The following PPP1R9A variants were observed in gnomAD, a reference collection of about 807,000 sequenced individuals.
The protein encoded by PPP1R9A is neurabin-1.
In PPP1R9A, 59 loss-of-function variants were observed where a neutral mutation model predicts 141.9. The observed-to-expected ratio is 0.42, with a 90% confidence interval of 0.34 to 0.52. The LOEUF is 0.52. PPP1R9A is among the 20% of genes least tolerant of loss of function. The pLI, the probability that PPP1R9A is intolerant of heterozygous loss-of-function variation, is 0.10. For synonymous variants in PPP1R9A, 500 were observed against 569.7 expected, an observed-to-expected ratio of 0.88 and a Z score of 1.74; for missense variants, 1,444 against 1,611.9, an observed-to-expected ratio of 0.90 and a Z score of 1.78.
intron 2 of PPP1R9A, among the ~76,000 whole-genome samples, chr7:95,088,220 A>G (rs1377151716): frequency 6.6e-6 from 1 of 151,986 alleles, no homozygotes; most frequent in Non-Finnish European, 1.5e-5. Flanking sequence ...ATTGGGATGT[A>G]ATAGTCAATA....
chr7:95,268,412 T>C, intron 12 of PPP1R9A, 138 bp from the exon 13 acceptor site: 2 of 835,744 alleles, frequency 2.4e-6, no homozygotes, highest in Non-Finnish European at 3.6e-6. Context: ...TGGTTATTTC[T>C]TGGTTACAGG....
chr7:95,245,069 C>T lies in PPP1R9A; in HGVS notation c.2113-2404C>T, dbSNP rs531992269. On this transcript the variant is annotated intron_variant, in intron 8 of 19. Transcript: ENST00000433360. ...AACAAGAAGTATATCTTGTCAATAG[C>T]GATTGCAAATCCTATAAAATCACCT... Among the ~76,000 whole-genome samples the T allele has an allele frequency of 3.4e-3, 513 of 152,230 alleles. 2 individuals are homozygous for T. The highest frequency in any genetic ancestry group is 6.8e-3 in the Middle Eastern group (2 of 294).
intron 6 of PPP1R9A, among the ~76,000 whole-genome samples, chr7:95,200,372 A>T (rs948155255): frequency 5.3e-5 from 8 of 150,912 alleles, no homozygotes; most frequent in Non-Finnish European, 4.4e-5. Context: ...GCTCAAGCCA[A>T]CCTCCTGCCT....
intron 18 of PPP1R9A, chr7:95,287,062 T>G: frequency 6.4e-7 from 1 of 1,568,764 alleles, no homozygotes; most frequent in East Asian, 2.2e-5. Flanking sequence ...GTGTCTCCTG[T>G]TTCTGTAACA....
At chr7:94,983,581 T>C (rs1277361417) in intron 2 of PPP1R9A, among the ~76,000 whole-genome samples, 1 of 152,150 alleles carries the variant, frequency 6.6e-6, no homozygotes, top group Non-Finnish European at 1.5e-5. Context: ...TATTTTATTC[T>C]CTTTGTAGCA....
At chr7:95,072,134 A>G (rs2152169916) in intron 2 of PPP1R9A, among the ~76,000 whole-genome samples, 1 of 150,808 alleles carries the variant, frequency 6.6e-6, no homozygotes, top group South Asian at 2.1e-4. Flanking sequence ...TCCATAATAT[A>G]TTAACCAAAC....
intron 5 of PPP1R9A, among the ~76,000 whole-genome samples, chr7:95,182,598 G>C (rs1834020877): frequency 6.6e-6 from 1 of 152,180 alleles, no homozygotes; most frequent in Non-Finnish European, 1.5e-5. Context: ...TTTTAGTTTT[G>C]TGATTTTGAA....
At chr7:94,978,553 G>A (rs890559988) in intron 2 of PPP1R9A, among the ~76,000 whole-genome samples, 23 of 151,970 alleles carry the variant, frequency 1.5e-4, no homozygotes, top group Admixed American at 3.3e-4. Flanking sequence ...TTCATTTCTC[G>A]ACACTTTTTT....
intron 2 of PPP1R9A, among the ~76,000 whole-genome samples, chr7:94,966,494 A>C (rs1437684615): frequency 6.6e-6 from 1 of 152,174 alleles, no homozygotes; most frequent in East Asian, 1.9e-4. Flanking sequence ...ACATTCCATC[A>C]ATGCTTAGTT....
At chr7:94,949,613 G>A (rs1354928411) in intron 2 of PPP1R9A, among the ~76,000 whole-genome samples, 1 of 152,048 alleles carries the variant, frequency 6.6e-6, no homozygotes, top group Non-Finnish European at 1.5e-5. Flanking sequence ...AGACAGTGGT[G>A]GGAATTTATC....
chr7:95,208,918 A>G (rs1466958450), intron 7 of PPP1R9A, among the ~76,000 whole-genome samples: 1 of 150,252 alleles, frequency 6.7e-6, no homozygotes, highest in Non-Finnish European at 1.5e-5. Flanking sequence ...AATCATGTCA[A>G]AATGACACAT....
chr7:94,922,906 A>G (rs985982379), intron 2 of PPP1R9A, among the ~76,000 whole-genome samples: 27 of 152,332 alleles, frequency 1.8e-4, no homozygotes, highest in African/African-American at 6.5e-4. Flanking sequence ...GAAGTTAACA[A>G]AAACACTTTT....
At chr7:94,949,254 G>C (rs1278916777) in intron 2 of PPP1R9A, among the ~76,000 whole-genome samples, 1 of 152,090 alleles carries the variant, frequency 6.6e-6, no homozygotes, top group African/African-American at 2.4e-5. Flanking sequence ...TGAAATGTCA[G>C]TTTTCTCAAA....
At chr7:95,211,527 G>A (rs1792124555) in intron 7 of PPP1R9A, among the ~76,000 whole-genome samples, 1 of 152,162 alleles carries the variant, frequency 6.6e-6, no homozygotes, top group African/African-American at 2.4e-5. Context: ...GCAGACACCA[G>A]AATGGACATG....
At chr7:95,020,525 A>G (rs567372150) in intron 2 of PPP1R9A, among the ~76,000 whole-genome samples, 15 of 152,104 alleles carry the variant, frequency 9.9e-5, no homozygotes, top group Non-Finnish European at 1.8e-4. Flanking sequence ...GGTTTGTTAC[A>G]TAGGTATACA....
chr7:95,099,746 A>G (rs1181929815), intron 2 of PPP1R9A, among the ~76,000 whole-genome samples: 1 of 152,200 alleles, frequency 6.6e-6, no homozygotes, highest in Non-Finnish European at 1.5e-5. Flanking sequence ...AGTCATAAAT[A>G]GAAGATGGAA....
At chr7:95,259,452 A>T (rs1001545247) in intron 12 of PPP1R9A, among the ~76,000 whole-genome samples, 2 of 152,186 alleles carry the variant, frequency 1.3e-5, no homozygotes, top group African/African-American at 2.4e-5. Flanking sequence ...TAAGAAAATA[A>T]AAAAGGATAG....
rs896633810 is a variant in PPP1R9A, at chr7:94,931,697, G to A, written c.1395+20189G>A. ...AGGTTTAAGTGATTCTCCTGCCTCA[G>A]CCTCCTGAGTAGCTGGGATTATAAG... On this transcript the variant is annotated intron_variant, in intron 2 of 19. Transcript: ENST00000433360. Among the ~76,000 whole-genome samples, 5 of 152,140 alleles carry A rather than the reference G, an allele frequency of 3.3e-5. No homozygotes were observed. In the East Asian group the frequency reaches 9.6e-4, roughly 29 times the overall value.
intron 4 of PPP1R9A, among the ~76,000 whole-genome samples, chr7:95,144,741 AC>A (rs1827306895): frequency 6.6e-6 from 1 of 152,218 alleles, no homozygotes; most frequent in African/African-American, 2.4e-5. Flanking sequence ...TAATAATTAG[AC>A]AAGAAAAAGA....
Sources: gnomAD v4.1 joint callset for allele counts (sites outside exome capture counted in the v4.1 genomes callset) on GRCh38, gnomAD v4.1.1 for gene constraint, MANE v1.5 for transcripts, NCBI Gene and HGNC (gene_info 2026-07-23, HGNC 2026-07-21) for gene names.